SCN10A: variants seen among roughly 807,000 people sequenced by gnomAD.
SCN10A encodes sodium voltage-gated channel alpha subunit 10.
A neutral mutation model predicts 170.7 loss-of-function variants in SCN10A; 162 were observed. That is an observed-to-expected ratio of 0.95 (90% CI 0.84 to 1.08). The LOEUF is 1.08. Ranked by LOEUF, SCN10A falls within the 50% of genes least tolerant of loss-of-function variation. SCN10A has a pLI of 0.00. For missense variants in SCN10A, 2,527 were observed against 2,436.9 expected, an observed-to-expected ratio of 1.04 and a Z score of -0.78; for synonymous variants, 985 against 904.6, an observed-to-expected ratio of 1.09 and a Z score of -1.59.
intron 25 of SCN10A, 53 bp from the exon 26 acceptor site, chr3:38,707,436 CA>C: frequency 6.4e-7 from 1 of 1,574,604 alleles, no homozygotes; most frequent in Non-Finnish European, 8.7e-7. Flanking sequence ...CTACGGATAC[CA>C]AAATCAGAAC....
Position 38,697,379 on chromosome 3 carries a change from G to T in SCN10A, c.5841C>A (p.Thr1947=), listed in dbSNP as rs770871086. ...GCCCAGGGGCAATCAGCTCCATACT[G>T]GTGGCTTCATCTTCATTTTGTATTG... is the stretch of plus-strand genomic sequence containing the variant. The part of the protein sequence containing the change: ...SSSIQNEDEA[T]SMELIAPGP The change falls in exon 28 of 28, where the codon ACC becomes ACA. Residue 1947 remains threonine, a synonymous_variant. Coordinates refer to ENST00000449082, the MANE Select transcript of SCN10A (RefSeq NM_006514.4). 3 of 1,614,108 alleles carry T rather than the reference G, an allele frequency of 1.9e-6. No homozygotes were observed. Among genetic ancestry groups the T allele is most frequent in the Non-Finnish European group, 2.5e-6 (3 of 1,179,992 alleles).
At chr3:38,753,907 C>T (rs2063775046) in intron 11 of SCN10A, among the ~76,000 whole-genome samples, 2 of 152,206 alleles carry the variant, frequency 1.3e-5, no homozygotes, top group Non-Finnish European at 2.9e-5. Context: ...TGATTTTCCA[C>T]AAAAACCCTC....
In SCN10A at chr3:38,719,367, C is replaced by CTTTT. The variant is rs555646896; in HGVS notation, c.3508-545_3508-542dup. Reference sequence around the variant, plus strand: ...GCTGTGGCTGTGGGGGGCTGCCACTCTTTTTTTTTTTTTTTTTTTTTTTTT... The same window carrying CTTTT: ...GCTGTGGCTGTGGGGGGCTGCCACTCTTTTTTTTTTTTTTTTTTTTTTTTTTTTT... On this transcript the variant is annotated intron_variant, in intron 20 of 27. Transcript: ENST00000449082. 7.1e-4 allele frequency among the ~76,000 whole-genome samples: 49 copies of CTTTT among 69,120 alleles called. 1 individual carries two copies. Among genetic ancestry groups the CTTTT allele is most frequent in the South Asian group, 1.1e-3 (2 of 1,746 alleles). The allele number at this position is 69,120 out of a possible 152,430, so 45.3% of individuals were successfully genotyped here.
At position 38,761,352 on chromosome 3, in the gene SCN10A, G is replaced by A; in HGVS notation, c.723C>T (p.His241=). The A allele has an allele frequency of 6.2e-7, 1 of 1,613,804 alleles. No homozygotes were observed. The highest frequency in any genetic ancestry group is 2.2e-5 in the East Asian group (1 of 44,888). ...TCACATCAGCCAGTTTCTTCACTGAGTGAATCAGGGCCCCCACAATGACCT... is the reference window on the plus strand; with the variant it reads ...TCACATCAGCCAGTTTCTTCACTGAATGAATCAGGGCCCCCACAATGACCT... ...GLKVIVGALI[H]SVKKLADVTI... Residue 241 remains histidine, a synonymous_variant, in exon 7 of 28, where the codon CAC becomes CAT. Coordinates refer to ENST00000449082, the MANE Select transcript of SCN10A (RefSeq NM_006514.4).
In SCN10A at chr3:38,764,048, C is replaced by T. The variant is rs117054214; in HGVS notation, c.600-452G>A. Among the ~76,000 whole-genome samples the T allele has an allele frequency of 3.9e-4, 60 of 152,282 alleles. No homozygotes were observed. The East Asian group carries it at 0.011, about 27-fold the overall frequency. On this transcript the variant is annotated intron_variant, in intron 5 of 27. Transcript: ENST00000449082. Reference sequence around the variant, plus strand: ...CGAAGCGGTACTCTGTGGCAAGAACCCCAGGCCATACAATTCCAAATGAGG... The same window carrying T: ...CGAAGCGGTACTCTGTGGCAAGAACTCCAGGCCATACAATTCCAAATGAGG...
intron 13 of SCN10A, among the ~76,000 whole-genome samples, chr3:38,747,965 G>A (rs545684846): frequency 1.2e-4 from 19 of 152,046 alleles, no homozygotes; most frequent in Non-Finnish European, 1.8e-4. Flanking sequence ...TTCCATGAGC[G>A]CAAGCTTATA....
In SCN10A at chr3:38,752,449, A is replaced by G. The variant is rs7630989; in HGVS notation, c.1525T>C (p.Ser509Pro). ...ASHGSVFHFR[S>P]PGRDISLPEG... Reference sequence around the variant, plus strand: ...GGGAGTGAGATATCTCGGCCAGGGGACCGGAAATGGAACACACTGCCATGA... The same window carrying G: ...GGGAGTGAGATATCTCGGCCAGGGGGCCGGAAATGGAACACACTGCCATGA... Residue 509 changes from serine to proline, a missense_variant, in exon 12 of 28, where the codon TCC (serine) becomes CCC (proline). Physicochemically the swap from Ser to Pro is moderately conservative, Grantham distance 74. Coordinates refer to ENST00000449082, the MANE Select transcript of SCN10A (RefSeq NM_006514.4). 80,769 of 1,612,536 alleles carry G rather than the reference A, an allele frequency of 0.05. 4,246 individuals carry two copies. The highest frequency in any genetic ancestry group is 0.21 in the African/African-American group (15,629 of 74,906).
At chr3:38,800,532 G>A (rs1016159492) in intron 1 of SCN10A, among the ~76,000 whole-genome samples, 4 of 152,180 alleles carry the variant, frequency 2.6e-5, no homozygotes, top group South Asian at 2.1e-4. Flanking sequence ...GGGCCTGGAT[G>A]AAAATCTTTC....
At chr3:38,739,411 G>T in intron 15 of SCN10A, 104 bp downstream of exon 15, 1 of 1,052,086 alleles carries the variant, frequency 9.5e-7, no homozygotes. Flanking sequence ...CCTCCCACAA[G>T]GACAGGAGAG....
chr3:38,697,855 C>G lies in SCN10A; in HGVS notation c.5365G>C (p.Asp1789His). 6.2e-7 allele frequency: 1 copy of G among 1,614,104 alleles called. No individual in the cohort carries two copies. The highest frequency in any genetic ancestry group is 8.5e-7 in the Non-Finnish European group (1 of 1,180,028). ...KPNRNILIQM[D>H]LPLVPGDKIH... is the part of the protein sequence containing the mutation. ...TTATCTCCAGGGACCAAAGGCAGGTCCATCTGGATCAGTATATTTCGATTG... is the reference window on the plus strand; with the variant it reads ...TTATCTCCAGGGACCAAAGGCAGGTGCATCTGGATCAGTATATTTCGATTG... The change falls in exon 28 of 28, where the codon GAC becomes CAC. Residue 1789 changes from aspartate (D) to histidine (H), a missense_variant. Physicochemically the swap from Asp to His is moderately conservative, Grantham distance 81. Transcript: ENST00000449082.
chr3:38,799,924 C>A (rs1296974684), intron 1 of SCN10A, among the ~76,000 whole-genome samples: 3 of 152,212 alleles, frequency 2.0e-5, no homozygotes, highest in African/African-American at 7.2e-5. Context: ...AAGATATGTT[C>A]TCTAATGCTT....
At chr3:38,764,332 C>T (rs1559452379) in intron 5 of SCN10A, among the ~76,000 whole-genome samples, 2 of 152,176 alleles carry the variant, frequency 1.3e-5, no homozygotes, top group Non-Finnish European at 2.9e-5. Flanking sequence ...GCAGTGTACA[C>T]TGTACCCAGT....
chr3:38,705,747 C>G lies in SCN10A; in HGVS notation c.4386+1532G>C, dbSNP rs138299054. ...GGTGCCAAAAACTTTCATGTTTTTG[C>G]CAAGGGTTGTCCCTAGCACACACCT... On this transcript the variant is annotated intron_variant, in intron 26 of 27. Coordinates refer to ENST00000449082, the MANE Select transcript of SCN10A (RefSeq NM_006514.4). 9.2e-5 allele frequency among the ~76,000 whole-genome samples: 14 copies of G among 152,088 alleles called. No homozygotes were observed. The East Asian group carries it at 9.7e-4, about 11-fold the overall frequency.
chr3:38,737,779 TCCCTCC>T (rs2063581904), intron 15 of SCN10A, among the ~76,000 whole-genome samples: 1 of 95,222 alleles, frequency 1.1e-5, no homozygotes, highest in Non-Finnish European at 2.0e-5. Context: ...CCTCTCTCTC[TCCCTCC>T]CTCCCTCCCT....
At chr3:38,728,999 G>T (rs1328192469) in intron 15 of SCN10A, 98 bp from the exon 16 acceptor site, 1 of 1,464,204 alleles carries the variant, frequency 6.8e-7, no homozygotes, top group Non-Finnish European at 9.2e-7. Flanking sequence ...AAAACACAAG[G>T]CCTCTCATCC....
intron 15 of SCN10A, 150 bp downstream of exon 15, chr3:38,739,365 C>T: frequency 1.6e-6 from 1 of 633,444 alleles, no homozygotes; most frequent in Non-Finnish European, 2.6e-6. Context: ...GGCCACAGAC[C>T]CAAGTCTCCA....
intron 6 of SCN10A, 112 bp from the exon 7 acceptor site, chr3:38,761,495 C>G: frequency 2.2e-6 from 2 of 904,798 alleles, no homozygotes; most frequent in African/African-American, 1.7e-5. Flanking sequence ...GAAGTATGTA[C>G]ACACTCCAGG....
At chr3:38,753,742 T>A (rs1002390892) in intron 11 of SCN10A, among the ~76,000 whole-genome samples, 4 of 152,184 alleles carry the variant, frequency 2.6e-5, no homozygotes, top group African/African-American at 9.7e-5. Context: ...ATGAAGAAAC[T>A]GAGAAGAAAA....
chr3:38,730,613 A>C (rs1320735952), intron 15 of SCN10A, among the ~76,000 whole-genome samples: 2 of 152,120 alleles, frequency 1.3e-5, no homozygotes, highest in Non-Finnish European at 2.9e-5. Context: ...TAATATGTTA[A>C]AGAAATAAAA....
Sources: allele counts gnomAD v4.1 joint callset (sites outside exome capture counted in the v4.1 genomes callset), GRCh38; gene constraint gnomAD v4.1.1; transcripts MANE v1.5; gene names NCBI Gene and HGNC (gene_info 2026-07-23, HGNC 2026-07-21).